Variants in CAPZB observed in about 807,000 individuals in gnomAD.
CAPZB encodes the protein F-actin-capping protein subunit beta.
Under a neutral mutation model 38.1 loss-of-function variants are expected in CAPZB, and 2 were observed. The ratio of observed to expected loss-of-function variants is 0.05; its 90% CI spans 0.02 to 0.17. CAPZB has a LOEUF of 0.17. CAPZB is among the 10% of genes least tolerant of loss of function. The pLI is 1.00. For missense variants in CAPZB, 161 were observed against 334.2 expected (o/e 0.48, Z 4.04); for synonymous variants, 107 against 127.4 (o/e 0.84, Z 1.08).
chr1:19,427,732 A>G (rs890304663), intron 1 of CAPZB, among the ~76,000 whole-genome samples: 5 of 152,194 alleles, frequency 3.3e-5, no homozygotes, highest in Non-Finnish European at 5.9e-5. Flanking sequence ...CAAACACACG[A>G]ATACTCCTTG....
chr1:19,339,212 G>C lies in CAPZB; in HGVS notation c.*318C>G, dbSNP rs1325341219. 2.8e-6 allele frequency: 1 copy of C among 360,614 alleles called. No individual in the cohort carries two copies. Among genetic ancestry groups the C allele is most frequent in the Non-Finnish European group, 5.1e-6 (1 of 197,200 alleles). 22.3% of individuals were successfully genotyped at this position (360,614 alleles called of 1,614,324 possible). On this transcript the variant is annotated 3_prime_UTR_variant, in exon 9 of 9. Coordinates refer to ENST00000264202, the MANE Select transcript of CAPZB (RefSeq NM_004930.5). ...ACCAAAAAGGTGGGAGGGAAGGGAG[G>C]CTGGCAGACAGTGGATTTTATGCCT...
intron 2 of CAPZB, among the ~76,000 whole-genome samples, chr1:19,389,468 C>T (rs1198689086): frequency 6.6e-6 from 1 of 152,074 alleles, no homozygotes; most frequent in African/African-American, 2.4e-5. Context: ...AGCTCTGTCA[C>T]CCAGGCTGGA....
At position 19,378,610 on chromosome 1, in the gene CAPZB, C is replaced by T. The variant is rs746198763; in HGVS notation, c.259G>A (p.Ala87Thr). The change falls in exon 4 of 9, where the codon GCC becomes ACC. Residue 87 changes from alanine to threonine, a missense_variant. Transcript: ENST00000264202. ...NKYDPPLEDG[A>T]MPSARLRKLE... ...TTTCTCAGCCGAGCTGACGGCATGG[C>T]CCCATCCTCCAAGGGAGGGTCATAC... 1.9e-6 allele frequency: 3 copies of T among 1,612,946 alleles called. No homozygotes were observed. Among genetic ancestry groups the T allele is most frequent in the Non-Finnish European group, 2.5e-6 (3 of 1,179,022 alleles).
intron 1 of CAPZB, among the ~76,000 whole-genome samples, chr1:19,445,966 AG>A (rs2094494511): frequency 6.6e-6 from 1 of 152,200 alleles, no homozygotes; most frequent in Non-Finnish European, 1.5e-5. Context: ...TGCCCTCAAG[AG>A]CACATGGTAA....
At chr1:19,366,311 A>C (rs859207) in intron 4 of CAPZB, among the ~76,000 whole-genome samples, 1,639 of 63,210 alleles carry the variant, frequency 0.026, 154 homozygotes, top group African/African-American at 0.1. Flanking sequence ...TATATATATA[A>C]ATAAAATAAA....
rs145835891 is a variant in CAPZB, at chr1:19,433,529, A to G, written c.4-13779T>C. Among the ~76,000 whole-genome samples, 14 of 152,380 alleles carry G rather than the reference A, an allele frequency of 9.2e-5. No homozygotes were observed. The East Asian group carries it at 2.5e-3, about 27-fold the overall frequency. ...GGTTTACTCCAACAAAACCCTGCAC[A>G]TGGCTTCCAAAGACATCGGGGAGAA... On this transcript the variant is annotated intron_variant, in intron 1 of 8. Transcript: ENST00000264202.
At chr1:19,411,746 C>A (rs977717768) in intron 2 of CAPZB, among the ~76,000 whole-genome samples, 39 of 152,226 alleles carry the variant, frequency 2.6e-4, no homozygotes, top group Non-Finnish European at 8.8e-5. Flanking sequence ...CTGGCCAAAT[C>A]TATGAGGGAG....
intron 2 of CAPZB, among the ~76,000 whole-genome samples, chr1:19,395,161 C>T (rs2094259949): frequency 6.6e-6 from 1 of 152,188 alleles, no homozygotes; most frequent in Non-Finnish European, 1.5e-5. Context: ...GAGGGTGCAG[C>T]AGCATCTGTA....
intron 4 of CAPZB, among the ~76,000 whole-genome samples, chr1:19,375,222 T>C (rs187623712): frequency 6.6e-6 from 1 of 152,342 alleles, no homozygotes; most frequent in African/African-American, 2.4e-5. Flanking sequence ...TTTTAGACTA[T>C]AAATGGGTTG....
At chr1:19,414,888 T>C (rs2100467525) in intron 2 of CAPZB, among the ~76,000 whole-genome samples, 1 of 152,340 alleles carries the variant, frequency 6.6e-6, no homozygotes, top group Middle Eastern at 3.4e-3. Flanking sequence ...GGGATTAATA[T>C]GTAATAAAAT....
At chr1:19,391,122 T>C (rs1333654382) in intron 2 of CAPZB, among the ~76,000 whole-genome samples, 2 of 151,760 alleles carry the variant, frequency 1.3e-5, no homozygotes, top group East Asian at 1.9e-4. Flanking sequence ...CACGAAGAGA[T>C]ACAAATCAGA....
At chr1:19,366,283 A>AAAAT (rs2094085270) in intron 4 of CAPZB, among the ~76,000 whole-genome samples, 1 of 60,504 alleles carries the variant, frequency 1.7e-5, no homozygotes, top group African/African-American at 6.4e-5. Context: ...CGTGTCTTAA[A>AAAAT]ATATATATAT....
At chr1:19,428,173 C>T (rs187749958) in intron 1 of CAPZB, among the ~76,000 whole-genome samples, 40 of 152,308 alleles carry the variant, frequency 2.6e-4, no homozygotes, top group Admixed American at 8.5e-4. Flanking sequence ...GAGGTGGAGG[C>T]GGGTGGATCA....
chr1:19,366,896 C>T (rs1311800997), intron 4 of CAPZB, among the ~76,000 whole-genome samples: 1 of 152,188 alleles, frequency 6.6e-6, no homozygotes, highest in East Asian at 1.9e-4. Flanking sequence ...TCTGATCATC[C>T]TTAACATCCT....
At chr1:19,458,871 A>C (rs1413212946) in intron 1 of CAPZB, among the ~76,000 whole-genome samples, 1 of 152,248 alleles carries the variant, frequency 6.6e-6, no homozygotes, top group Non-Finnish European at 1.5e-5. Flanking sequence ...AGTCAGTTTC[A>C]CCACATTTAA....
chr1:19,344,584 T>C, intron 7 of CAPZB, 150 bp from the exon 8 acceptor site: 2 of 660,158 alleles, frequency 3.0e-6, no homozygotes, highest in South Asian at 3.5e-5. Flanking sequence ...CGCTCCAGGC[T>C]GCCAAGACCC....
chr1:19,392,615 G>A (rs12139872), intron 2 of CAPZB, among the ~76,000 whole-genome samples: 5,980 of 150,974 alleles, frequency 0.04, 145 homozygotes, highest in African/African-American at 0.053. Context: ...GCAAGACTCC[G>A]TCCCTACTAA....
At chr1:19,389,290 C>T (rs943535369) in intron 2 of CAPZB, among the ~76,000 whole-genome samples, 4 of 152,152 alleles carry the variant, frequency 2.6e-5, no homozygotes, top group South Asian at 2.1e-4. Flanking sequence ...TGAACATGCA[C>T]GTGCATTCCC....
chr1:19,380,920 A>G (rs527896392), intron 3 of CAPZB, among the ~76,000 whole-genome samples: 1 of 152,310 alleles, frequency 6.6e-6, no homozygotes, highest in Non-Finnish European at 1.5e-5. Context: ...CTGCAATCCC[A>G]GCACCTTGGG....
Sources: gnomAD v4.1 joint callset for allele counts (sites outside exome capture counted in the v4.1 genomes callset) on GRCh38, gnomAD v4.1.1 for gene constraint, MANE v1.5 for transcripts, NCBI Gene and HGNC (gene_info 2026-07-23, HGNC 2026-07-21) for gene names.